Variants in VIPR2 observed in about 807,000 individuals in gnomAD.
VIPR2 encodes vasoactive intestinal polypeptide receptor 2.
A neutral mutation model predicts 58.0 loss-of-function variants in VIPR2; 48 were observed. That is an observed-to-expected ratio of 0.83 (90% CI 0.66 to 1.05). VIPR2 has a LOEUF of 1.05. VIPR2 is among the 50% of genes least tolerant of loss of function. The probability of loss-of-function intolerance (pLI) is 0.00; values close to 1 mark genes in which losing one functional copy is unlikely to be tolerated. For synonymous variants in VIPR2, 243 were observed against 235.2 expected (o/e 1.03, Z -0.30); for missense variants, 534 against 558.0 (o/e 0.96, Z 0.43).
intron 2 of VIPR2, among the ~76,000 whole-genome samples, chr7:159,124,047 G>A (rs534358501): frequency 1.3e-5 from 2 of 152,296 alleles, no homozygotes; most frequent in South Asian, 2.1e-4. Flanking sequence ...CTGGATATTA[G>A]ACCTTTGTCA....
intron 5 of VIPR2, among the ~76,000 whole-genome samples, chr7:159,051,324 A>G (rs1854990452): frequency 6.6e-6 from 1 of 152,224 alleles, no homozygotes; most frequent in Non-Finnish European, 1.5e-5. Flanking sequence ...AATTGACTGG[A>G]AAGTGGTAAA....
intron 4 of VIPR2, among the ~76,000 whole-genome samples, chr7:159,103,358 C>A (rs73169252): frequency 3.3e-5 from 5 of 152,164 alleles, no homozygotes; most frequent in African/African-American, 1.2e-4. Flanking sequence ...GAAACCATGG[C>A]GCTGACTTCT....
Position 159,040,720 on chromosome 7 carries a change from A to C in VIPR2, c.597+2315T>G, listed in dbSNP as rs927649708. Reference sequence around the variant, plus strand: ...AACAAAAAATATACAAAAAAATTCAACTGGAAGGAAAGCTATTTTTCCTGT... The same window carrying C: ...AACAAAAAATATACAAAAAAATTCACCTGGAAGGAAAGCTATTTTTCCTGT... On this transcript the variant is annotated intron_variant, in intron 6 of 12. Transcript: ENST00000262178. Among the ~76,000 whole-genome samples, 7 of 152,242 alleles carry C rather than the reference A, an allele frequency of 4.6e-5. No homozygotes were observed. In the South Asian group the frequency reaches 1.5e-3, roughly 32 times the overall value.
intron 4 of VIPR2, among the ~76,000 whole-genome samples, chr7:159,065,120 T>G (rs1385616401): frequency 6.6e-6 from 1 of 152,162 alleles, no homozygotes; most frequent in African/African-American, 2.4e-5. Flanking sequence ...CTTTCTTGGC[T>G]CTCCTAAAGG....
chr7:159,119,160 C>T (rs549375440), intron 2 of VIPR2, among the ~76,000 whole-genome samples: 4 of 152,146 alleles, frequency 2.6e-5, no homozygotes, highest in African/African-American at 7.2e-5. Context: ...CAGGCCCTGG[C>T]GATTCTGACA....
intron 2 of VIPR2, among the ~76,000 whole-genome samples, chr7:159,125,241 G>A (rs755855815): frequency 1.3e-5 from 2 of 152,174 alleles, no homozygotes; most frequent in Non-Finnish European, 2.9e-5. Context: ...AGTGAACCAC[G>A]GACATTTTCT....
intron 4 of VIPR2, among the ~76,000 whole-genome samples, chr7:159,092,974 C>G (rs1230498191): frequency 3.9e-5 from 6 of 152,290 alleles, no homozygotes; most frequent in Admixed American, 2.6e-4. Flanking sequence ...GTTACCCACA[C>G]ACGCATGTGA....
intron 2 of VIPR2, among the ~76,000 whole-genome samples, chr7:159,129,293 C>T (rs1474834371): frequency 1.6e-5 from 2 of 125,878 alleles, no homozygotes; most frequent in African/African-American, 3.1e-5. Flanking sequence ...GGGGACAGGG[C>T]CAGGTGACCA....
Position 159,034,258 on chromosome 7 carries a change from T to G in VIPR2, c.926A>C (p.Lys309Thr), listed in dbSNP as rs2129492849. The G allele has an allele frequency of 6.2e-7, 1 of 1,614,108 alleles. No homozygotes were observed. Among genetic ancestry groups the G allele is most frequent in the South Asian group, 1.1e-5 (1 of 91,084 alleles). ...GCCGCCGACATCTGGGGATGTTAAC[T>G]TCTGCAGCAAAATTCGTATAATACT... Reference protein sequence around the residue: ...FISIIRILLQKLTSPDVGGND... With the variant: ...FISIIRILLQTLTSPDVGGND... Residue 309 changes from lysine (K) to threonine (T), a missense_variant, in exon 10 of 13, where the codon AAG (lysine) becomes ACG (threonine). This residue lies in a region of VIPR2 where 306 missense variants were observed against 285.8 expected (regional missense o/e 1.07). Transcript: ENST00000262178.
intron 4 of VIPR2, among the ~76,000 whole-genome samples, chr7:159,083,865 G>A (rs1857036763): frequency 6.6e-6 from 1 of 152,218 alleles, no homozygotes; most frequent in African/African-American, 2.4e-5. Flanking sequence ...GCTAGGCCAG[G>A]GGGCTCCTGA....
Position 159,096,817 on chromosome 7 carries a change from G to C in VIPR2, c.357+6940C>G. On this transcript the variant is annotated intron_variant, in intron 4 of 12. Coordinates refer to ENST00000262178, the MANE Select transcript of VIPR2 (RefSeq NM_003382.5). This position sits in a 1 kb window ranked among gnomAD's most constrained non-coding sequence, Gnocchi z 5.5. ...GGCCCCCGCAGCAGCCACAGGCCCA[G>C]CTCTTGTCCCGGCCCACCTCGGGAT... 6.9e-7 allele frequency: 1 copy of C among 1,459,788 alleles called. No individual in the cohort carries two copies. Among genetic ancestry groups the C allele is most frequent in the Non-Finnish European group, 9.1e-7 (1 of 1,096,768 alleles). The allele number at this position is 1,459,788 out of a possible 1,614,324, so 90.4% of individuals were successfully genotyped here.
chr7:159,125,787 C>G (rs1796629978), intron 2 of VIPR2, among the ~76,000 whole-genome samples: 1 of 152,100 alleles, frequency 6.6e-6, no homozygotes, highest in Non-Finnish European at 1.5e-5. Flanking sequence ...GCCATCATTT[C>G]CCAGCCACCC....
intron 5 of VIPR2, among the ~76,000 whole-genome samples, chr7:159,044,221 A>C (rs1003332432): frequency 6.6e-6 from 1 of 152,132 alleles, no homozygotes; most frequent in African/African-American, 2.4e-5. Context: ...TCTATCAAAC[A>C]ACTAGCTGAT....
intron 2 of VIPR2, among the ~76,000 whole-genome samples, chr7:159,123,247 C>G (rs893842564): frequency 7.2e-6 from 1 of 138,346 alleles, no homozygotes; most frequent in East Asian, 2.1e-4. Context: ...GAGCCAAGGT[C>G]GCCCCACTGC....
chr7:159,141,941 C>G (rs1240613427), intron 2 of VIPR2, among the ~76,000 whole-genome samples: 2 of 152,164 alleles, frequency 1.3e-5, no homozygotes, highest in Admixed American at 1.3e-4. Context: ...GCCCAGCATG[C>G]CTCTGTCAAA....
In VIPR2 at chr7:159,101,444, T is replaced by C. The variant is rs539145873; in HGVS notation, c.357+2313A>G. 3.8e-3 allele frequency among the ~76,000 whole-genome samples: 487 copies of C among 128,510 alleles called. 14 individuals carry two copies. Among genetic ancestry groups the C allele is most frequent in the African/African-American group, 0.015 (458 of 30,712 alleles). 84.3% of individuals were successfully genotyped at this position (128,510 alleles called of 152,430 possible). On this transcript the variant is annotated intron_variant, in intron 4 of 12. Transcript: ENST00000262178. ...CGAGATCCGACGAGGCGGTTCCGAC[T>C]GTTCCTGTGGTAGTGAATGAGTCTC...
At chr7:159,046,526 G>A (rs977294516) in intron 5 of VIPR2, among the ~76,000 whole-genome samples, 4 of 151,652 alleles carry the variant, frequency 2.6e-5, no homozygotes, top group African/African-American at 4.8e-5. Flanking sequence ...TCCAGGAGCC[G>A]GAGGGTATGG....
intron 4 of VIPR2, among the ~76,000 whole-genome samples, chr7:159,066,808 A>C (rs1327376285): frequency 1.3e-5 from 2 of 152,236 alleles, no homozygotes; most frequent in Admixed American, 1.3e-4. Flanking sequence ...AAGAAAACTA[A>C]ATTTGTTAGT....
intron 4 of VIPR2, among the ~76,000 whole-genome samples, chr7:159,072,309 A>G (rs946350800): frequency 6.6e-6 from 1 of 152,250 alleles, no homozygotes; most frequent in Non-Finnish European, 1.5e-5. Context: ...ACTTATGACT[A>G]TAAAATTTTA....
Sources: allele counts gnomAD v4.1 joint callset (sites outside exome capture counted in the v4.1 genomes callset), GRCh38; gene constraint gnomAD v4.1.1; regional missense constraint gnomAD v4.1.1; non-coding constraint Gnocchi (gnomAD v3.1); transcripts MANE v1.5; gene names NCBI Gene and HGNC (gene_info 2026-07-23, HGNC 2026-07-21).